The following CCDC92 variants were observed in gnomAD, a reference collection of about 807,000 sequenced individuals.
CCDC92 encodes the protein coiled-coil domain containing 92, also known as coiled-coil domain-containing protein 92.
A neutral mutation model predicts 24.9 loss-of-function variants in CCDC92; 12 were observed. The observed-to-expected ratio is 0.48, with a 90% confidence interval of 0.31 to 0.78. The LOEUF is 0.78. Among genes scored for constraint, CCDC92 ranks in the 30% least tolerant of loss-of-function variants. CCDC92 has a pLI of 0.05. For missense variants in CCDC92, 399 were observed against 439.4 expected, an observed-to-expected ratio of 0.91 and a Z score of 0.82; for synonymous variants, 193 against 196.3, an observed-to-expected ratio of 0.98 and a Z score of 0.14.
intron 3 of CCDC92, among the ~76,000 whole-genome samples, 154 bp from the exon 4 acceptor site, chr12:123,942,939 A>G (rs1955732604): frequency 6.6e-6 from 1 of 152,208 alleles, no homozygotes; most frequent in Non-Finnish European, 1.5e-5. Flanking sequence ...TGAGAGCAGC[A>G]GAAAACATCT....
At chr12:123,955,075 G>T (rs2138080185) in intron 1 of CCDC92, among the ~76,000 whole-genome samples, 1 of 152,326 alleles carries the variant, frequency 6.6e-6, no homozygotes, top group Non-Finnish European at 1.5e-5. Flanking sequence ...CCCCCAGTAT[G>T]ACTGCCCTCT....
At chr12:123,947,022 G>T (rs1047946498) in intron 1 of CCDC92, among the ~76,000 whole-genome samples, 18 of 152,164 alleles carry the variant, frequency 1.2e-4, no homozygotes, top group Non-Finnish European at 2.1e-4. Context: ...GCGTGGGCTT[G>T]GCGGGCCCCG....
chr12:123,959,134 G>GT (rs1468637604), intron 1 of CCDC92, among the ~76,000 whole-genome samples: 2 of 152,166 alleles, frequency 1.3e-5, no homozygotes, highest in African/African-American at 2.4e-5. Flanking sequence ...CAAGTCACAC[G>GT]TAACTCCCGT....
intron 1 of CCDC92, among the ~76,000 whole-genome samples, chr12:123,963,492 T>C (rs1428495754): frequency 1.3e-5 from 2 of 152,228 alleles, no homozygotes; most frequent in African/African-American, 4.8e-5. Context: ...ACTTAACCTG[T>C]TTAGCTAAAA....
chr12:123,951,194 G>A (rs1196989937), intron 1 of CCDC92, among the ~76,000 whole-genome samples: 1 of 152,024 alleles, frequency 6.6e-6, no homozygotes, highest in African/African-American at 2.4e-5. Context: ...TAATGGCACC[G>A]AGTGGAGATC....
At chr12:123,952,792 G>A (rs1161979939) in intron 1 of CCDC92, among the ~76,000 whole-genome samples, 2 of 152,204 alleles carry the variant, frequency 1.3e-5, no homozygotes, top group Admixed American at 6.5e-5. Context: ...GAAGCAAAAA[G>A]TAGAAGGCAA....
intron 1 of CCDC92, among the ~76,000 whole-genome samples, chr12:123,954,140 C>A (rs1221196487): frequency 6.6e-6 from 1 of 152,012 alleles, no homozygotes; most frequent in African/African-American, 2.4e-5. Flanking sequence ...AAAGTAGTAT[C>A]ATATGTTTTA....
At chr12:123,971,482 C>A (rs1249846734) in intron 1 of CCDC92, 2 of 149,342 alleles carry the variant, frequency 1.3e-5, no homozygotes, top group African/African-American at 4.9e-5. Context: ...AAATTTCAAA[C>A]GTAAAAGTTT....
chr12:123,938,326 A>AC (rs944121953), intron 4 of CCDC92, among the ~76,000 whole-genome samples: 36 of 151,268 alleles, frequency 2.4e-4, no homozygotes, highest in African/African-American at 7.3e-4. Flanking sequence ...CGCCTCTCTC[A>AC]CCCCCCTACC....
chr12:123,950,080 AAAAG>A (rs1322037447), intron 1 of CCDC92, among the ~76,000 whole-genome samples: 2 of 152,244 alleles, frequency 1.3e-5, no homozygotes, highest in Non-Finnish European at 2.9e-5. Flanking sequence ...CTATCCCATG[AAAAG>A]AGAGAACATA....
rs1188282936 is a variant in CCDC92 at position 123,937,426 on chromosome 12, G to A, written c.628C>T (p.Leu210Phe). The A allele has an allele frequency of 1.2e-6, 2 of 1,613,858 alleles. No homozygotes were observed. Among genetic ancestry groups the A allele is most frequent in the South Asian group, 1.1e-5 (1 of 91,076 alleles). The change falls in exon 5 of 5, where the codon CTC (leucine) becomes TTC (phenylalanine). Residue 210 changes from leucine (L) to phenylalanine (F), a missense_variant. Physicochemically the swap from Leu to Phe is conservative, Grantham distance 22. Coordinates refer to ENST00000238156, the MANE Select transcript of CCDC92 (RefSeq NM_025140.3). This position sits in a 1 kb window ranked among gnomAD's most constrained non-coding sequence, Gnocchi z 8.4. ...AATTCCGGGTGCAAGGGGGCTGAGA[G>A]GCTCTTTTTCATGCGGCGGCGAGGC... ...ETPRRRMKKS[L>F]SAPLHPEFEE... is the part of the protein sequence containing the mutation.
chr12:123,961,756 C>T (rs1458806868), intron 1 of CCDC92, among the ~76,000 whole-genome samples: 16 of 152,160 alleles, frequency 1.1e-4, no homozygotes, highest in Admixed American at 9.2e-4. Flanking sequence ...GGCTCAGTGC[C>T]AGGCGCCATG....
chr12:123,941,417 G>A (rs568181884), intron 4 of CCDC92, among the ~76,000 whole-genome samples: 16 of 152,302 alleles, frequency 1.1e-4, no homozygotes, highest in African/African-American at 3.6e-4. Flanking sequence ...CACTCAGGAG[G>A]CTGTAATATG....
chr12:123,954,053 C>T (rs1956092347), intron 1 of CCDC92, among the ~76,000 whole-genome samples: 1 of 152,178 alleles, frequency 6.6e-6, no homozygotes, highest in Non-Finnish European at 1.5e-5. Context: ...CTATCTAAAG[C>T]TTCTTTAATG....
intron 4 of CCDC92, among the ~76,000 whole-genome samples, chr12:123,940,310 C>T (rs758869197): frequency 6.6e-6 from 1 of 152,202 alleles, no homozygotes; most frequent in Non-Finnish European, 1.5e-5. Context: ...CATTAAGCAT[C>T]ACTCTGGTTC....
At chr12:123,943,220 G>C (rs1275991412) in intron 3 of CCDC92, 127 bp downstream of exon 3, 10 of 958,150 alleles carry the variant, frequency 1.0e-5, no homozygotes, top group Non-Finnish European at 1.5e-5. Context: ...ATGATATAAG[G>C]CATTCAGATG....
chr12:123,943,411 C>T lies in CCDC92; in HGVS notation c.117G>A (p.Arg39=). 2.5e-6 allele frequency: 4 copies of T among 1,614,128 alleles called. No individual in the cohort carries two copies. The highest frequency in any genetic ancestry group is 2.2e-5 in the South Asian group (2 of 91,088). ...GCCCCTTGAGCGTGCTGGCATGCTC[C>T]CGCTGAAGGAACAGGAGGTTCTTCT... The part of the protein sequence containing the change: ...SAQKNLLFLQ[R]EHASTLKGLH... The change falls in exon 3 of 5, where the codon CGG becomes CGA. Residue 39 remains arginine (R), a synonymous_variant. Coordinates refer to ENST00000238156, the MANE Select transcript of CCDC92 (RefSeq NM_025140.3).
At chr12:123,942,721 T>C (rs371283307) in intron 4 of CCDC92, 23 bp downstream of exon 4, 1 of 1,588,678 alleles carries the variant, frequency 6.3e-7, no homozygotes, top group African/African-American at 1.3e-5. Flanking sequence ...TACTGTCATT[T>C]ACTTCTGGGG....
At chr12:123,953,429 G>C (rs542080319) in intron 1 of CCDC92, among the ~76,000 whole-genome samples, 2 of 152,236 alleles carry the variant, frequency 1.3e-5, no homozygotes, top group East Asian at 1.9e-4. Flanking sequence ...GTTAAAAATT[G>C]TATGTATATT....
Sources: gnomAD v4.1 joint callset for allele counts (sites outside exome capture counted in the v4.1 genomes callset) on GRCh38, gnomAD v4.1.1 for gene constraint, Gnocchi (gnomAD v3.1) non-coding constraint, MANE v1.5 for transcripts, NCBI Gene and HGNC (gene_info 2026-07-23, HGNC 2026-07-21) for gene names.